NUP58: variants seen among roughly 807,000 people sequenced by gnomAD.
NUP58 encodes nucleoporin 58.
NUP58 carries 17 observed loss-of-function variants against 70.1 expected under a neutral mutation model. The observed-to-expected ratio is 0.24, with a 90% CI of 0.17 to 0.36. The LOEUF is 0.36. Ranked by LOEUF, NUP58 falls within the 10% of genes least tolerant of loss-of-function variation. The pLI, the probability that NUP58 is intolerant of heterozygous loss-of-function variation, is 1.00. For synonymous variants in NUP58, 275 were observed against 257.6 expected (o/e 1.07, Z -0.65); for missense variants, 644 against 701.5 (o/e 0.92, Z 0.93).
chr13:25,308,501 T>G (rs1413185556), intron 2 of NUP58, among the ~76,000 whole-genome samples: 1 of 151,598 alleles, frequency 6.6e-6, no homozygotes, highest in Non-Finnish European at 1.5e-5. Flanking sequence ...TTTTTTACTT[T>G]TTGTAGAGAA....
chr13:25,330,173 T>A (rs983421165), intron 12 of NUP58, among the ~76,000 whole-genome samples: 5 of 152,154 alleles, frequency 3.3e-5, no homozygotes, highest in Admixed American at 3.3e-4. Context: ...CTAAGGTGGA[T>A]CATTATTTTC....
intron 12 of NUP58, among the ~76,000 whole-genome samples, chr13:25,328,878 T>C (rs1388026116): frequency 6.6e-6 from 1 of 152,218 alleles, no homozygotes; most frequent in Non-Finnish European, 1.5e-5. Context: ...AGATAAATTA[T>C]CAACTGTGTA....
chr13:25,331,169 A>G (rs79481445), intron 12 of NUP58, among the ~76,000 whole-genome samples, 188 bp from the exon 13 acceptor site: 1,720 of 152,308 alleles, frequency 0.011, 45 homozygotes, highest in African/African-American at 0.04. Context: ...AAACTATTCA[A>G]GGGAGCAGTA....
chr13:25,336,407 C>T lies in NUP58; in HGVS notation c.1436-529C>T. On this transcript the variant is annotated intron_variant, in intron 13 of 15. Coordinates refer to ENST00000381736, the MANE Select transcript of NUP58 (RefSeq NM_014089.4). ...TTTATATTTCATATGAGAAATCATGCCTAGTTTTTTGGGTACTTACTCTTA... is the reference window on the plus strand; with the variant it reads ...TTTATATTTCATATGAGAAATCATGTCTAGTTTTTTGGGTACTTACTCTTA... 5.9e-6 allele frequency: 4 copies of T among 676,708 alleles called. No homozygotes were observed. The South Asian group carries it at 7.3e-5, about 12-fold the overall frequency. 41.9% of individuals were successfully genotyped at this position (676,708 alleles called of 1,614,324 possible).
chr13:25,329,327 T>C (rs925598492), intron 12 of NUP58, among the ~76,000 whole-genome samples: 4 of 152,074 alleles, frequency 2.6e-5, no homozygotes, highest in East Asian at 1.9e-4. Flanking sequence ...ATGCTTTTTT[T>C]CCCCCCACGA....
intron 1 of NUP58, 94 bp from the exon 2 acceptor site, chr13:25,307,712 G>T (rs548992920): frequency 1.4e-5 from 16 of 1,161,818 alleles, no homozygotes; most frequent in Admixed American, 2.3e-5. Context: ...TTATCTTGAA[G>T]AGTTAATTTT....
rs942673515 is a variant in NUP58, at chr13:25,341,716, C to G, written c.*1582C>G. On this transcript the variant is annotated 3_prime_UTR_variant, in exon 16 of 16. Coordinates refer to ENST00000381736, the MANE Select transcript of NUP58 (RefSeq NM_014089.4). ...CCCTTGGAAAGAGAACTGCCTTAGCCATGATTTCGTTAGTAGACCTATTTA... is the reference window on the plus strand; with the variant it reads ...CCCTTGGAAAGAGAACTGCCTTAGCGATGATTTCGTTAGTAGACCTATTTA... 1.2e-4 allele frequency: 18 copies of G among 152,502 alleles called. No homozygotes were observed. Among genetic ancestry groups the G allele is most frequent in the African/African-American group, 4.3e-4 (18 of 41,406 alleles). 9.4% of individuals were successfully genotyped at this position (152,502 alleles called of 1,614,324 possible).
chr13:25,328,646 C>G lies in NUP58; in HGVS notation c.1233+1134C>G, dbSNP rs537205314. 3.8e-3 allele frequency among the ~76,000 whole-genome samples: 585 copies of G among 152,278 alleles called. 6 individuals are homozygous for G. Among genetic ancestry groups the G allele is most frequent in the Non-Finnish European group, 3.9e-3 (263 of 68,020 alleles). On this transcript the variant is annotated intron_variant, in intron 12 of 15. Transcript: ENST00000381736. ...TACTAAATTCAGGCAATCCTCCCTC[C>G]TCGGCCTCCCAAAGTGCTAGGATTT...
At chr13:25,331,850 A>C in intron 13 of NUP58, 3 of 1,193,610 alleles carry the variant, frequency 2.5e-6, no homozygotes, top group Non-Finnish European at 3.1e-6. Context: ...AGTGAATTAC[A>C]TTTAAGAATA....
intron 5 of NUP58, among the ~76,000 whole-genome samples, chr13:25,314,867 C>G (rs1401828071): frequency 6.6e-6 from 1 of 151,884 alleles, no homozygotes; most frequent in Admixed American, 6.6e-5. Context: ...AATTCTAATA[C>G]TTTTTTTTAA....
rs919953197 is a variant in NUP58, at chr13:25,333,735, C to T, written c.1435+2177C>T. On this transcript the variant is annotated intron_variant, in intron 13 of 15. Transcript: ENST00000381736. ...CTATTTATCAAATGGTGTTTTGTAC[C>T]CCATAAGTTATCCCTTATGCCCTGT... 16 of 985,126 alleles carry T rather than the reference C, an allele frequency of 1.6e-5. No individual in the cohort carries two copies. The African/African-American group carries it at 1.9e-4, about 12-fold the overall frequency. 61.0% of individuals were successfully genotyped at this position (985,126 alleles called of 1,614,324 possible). A position where few individuals can be genotyped will look rare whatever the true frequency, so the allele number is the denominator to read the frequency against.
Position 25,324,953 on chromosome 13 carries a change from C to CTT in NUP58, c.952-21_952-20dup, listed in dbSNP as rs59746219. The CTT allele has an allele frequency of 8.8e-3, 9,850 of 1,113,712 alleles. 1 individual carries two copies. Among genetic ancestry groups the CTT allele is most frequent in the South Asian group, 0.011 (763 of 70,452 alleles). The allele number at this position is 1,113,712 out of a possible 1,614,324, so 69.0% of individuals were successfully genotyped here. A position where few individuals can be genotyped will look rare whatever the true frequency, so the allele number is the denominator to read the frequency against. ...TATTTTTAACATAACTCTTAACTGG[C>CTT]TTTTTTTTTTTTTTTTAAATCCTCT... On this transcript the variant is annotated intron_variant, in intron 9 of 15. Transcript: ENST00000381736.
intron 14 of NUP58, among the ~76,000 whole-genome samples, chr13:25,338,270 CT>C (rs920421274): frequency 1.6e-4 from 25 of 151,952 alleles, no homozygotes; most frequent in Non-Finnish European, 2.9e-4. Flanking sequence ...GTATTTAGTC[CT>C]TTTTTTGTGA....
intron 13 of NUP58, chr13:25,334,391 C>G: frequency 1.0e-6 from 1 of 985,322 alleles, no homozygotes; most frequent in South Asian, 4.7e-5. Flanking sequence ...GACTTAGCTG[C>G]TGTTTTAAGG....
At chr13:25,326,105 A>G (rs1417108104) in intron 10 of NUP58, among the ~76,000 whole-genome samples, 1 of 152,220 alleles carries the variant, frequency 6.6e-6, no homozygotes, top group Non-Finnish European at 1.5e-5. Context: ...AAAAATAAGG[A>G]TATTCTCATA....
At chr13:25,318,972 A>G (rs1266993972) in intron 6 of NUP58, among the ~76,000 whole-genome samples, 1 of 152,202 alleles carries the variant, frequency 6.6e-6, no homozygotes, top group African/African-American at 2.4e-5. Context: ...AGAAAGGGAA[A>G]TTCTTGCCCT....
At chr13:25,305,701 CG>C (rs2030315446) in intron 1 of NUP58, among the ~76,000 whole-genome samples, 1 of 152,162 alleles carries the variant, frequency 6.6e-6, no homozygotes, top group Non-Finnish European at 1.5e-5. Context: ...TCTTTGCCAT[CG>C]TTTGGTACTT....
At chr13:25,335,988 T>A in intron 13 of NUP58, 5 of 1,093,010 alleles carry the variant, frequency 4.6e-6, no homozygotes, top group East Asian at 9.2e-5. Context: ...AAAAAAAAAA[T>A]AGTAGTTTAA....
rs892795853 is a variant in NUP58 at position 25,333,609 on chromosome 13, A to G, written c.1435+2051A>G. On this transcript the variant is annotated intron_variant, in intron 13 of 15. Transcript: ENST00000381736. ...CTTTTCTTTCTCCTTTTGTTTCTCT[A>G]AAGGTCTCCCAGGCCTTCCCAGTCA... 3 of 985,282 alleles carry G rather than the reference A, an allele frequency of 3.0e-6. No individual in the cohort carries two copies. The African/African-American group carries it at 5.2e-5, about 17-fold the overall frequency. 61.0% of individuals were successfully genotyped at this position (985,282 alleles called of 1,614,324 possible). A position where few individuals can be genotyped will look rare whatever the true frequency, so the allele number is the denominator to read the frequency against.
Sources: gnomAD v4.1 joint callset for allele counts (sites outside exome capture counted in the v4.1 genomes callset) on GRCh38, gnomAD v4.1.1 for gene constraint, MANE v1.5 for transcripts, NCBI Gene and HGNC (gene_info 2026-07-23, HGNC 2026-07-21) for gene names.